TAFA5: variants seen among roughly 807,000 people sequenced by gnomAD.
The protein encoded by TAFA5 is TAFA chemokine like family member 5.
TAFA5 carries 6 observed loss-of-function variants against 15.3 expected under a neutral mutation model. That is an observed-to-expected ratio of 0.39 (90% CI 0.21 to 0.77). TAFA5 has a LOEUF of 0.77. TAFA5 is among the 30% of genes least tolerant of loss of function. The probability of loss-of-function intolerance (pLI) is 0.41; values close to 1 mark genes in which losing one functional copy is unlikely to be tolerated. For synonymous variants in TAFA5, 103 were observed against 80.7 expected, an observed-to-expected ratio of 1.28 and a Z score of -1.48; for missense variants, 161 against 193.1, an observed-to-expected ratio of 0.83 and a Z score of 0.98.
intron 1 of TAFA5, among the ~76,000 whole-genome samples, chr22:48,555,527 G>A (rs1236253117): frequency 6.6e-6 from 1 of 152,176 alleles, no homozygotes; most frequent in Admixed American, 6.5e-5. Flanking sequence ...TCAGAAGTGC[G>A]GATCTTTATG....
Position 48,490,370 on chromosome 22 carries a change from G to A in TAFA5, c.112+666G>A, listed in dbSNP as rs909607057. On this transcript the variant is annotated intron_variant, in intron 1 of 3. Coordinates refer to ENST00000402357, the MANE Select transcript of TAFA5 (RefSeq NM_001082967.3). This position sits in a 1 kb window ranked among gnomAD's most constrained non-coding sequence, Gnocchi z 5.8. Reference sequence around the variant, plus strand: ...GGGACTGGCGCGGGCGCGGGCTGGGGTGGTGCGGGCCAGTGGGCGCCCGGG... The same window carrying A: ...GGGACTGGCGCGGGCGCGGGCTGGGATGGTGCGGGCCAGTGGGCGCCCGGG... Among the ~76,000 whole-genome samples, 5 of 151,500 alleles carry A rather than the reference G, an allele frequency of 3.3e-5. No individual in the cohort carries two copies. Among genetic ancestry groups the A allele is most frequent in the African/African-American group, 9.7e-5 (4 of 41,246 alleles).
At chr22:48,703,921 T>G (rs1319351715) in intron 2 of TAFA5, among the ~76,000 whole-genome samples, 1 of 152,228 alleles carries the variant, frequency 6.6e-6, no homozygotes, top group Non-Finnish European at 1.5e-5. Context: ...AACATCTCCC[T>G]GTTGCAGTTG....
chr22:48,598,257 C>G lies in TAFA5; in HGVS notation c.113-48340C>G, dbSNP rs1331489484. 6.6e-6 allele frequency among the ~76,000 whole-genome samples: 1 copy of G among 152,152 alleles called. No individual in the cohort carries two copies. Among genetic ancestry groups the G allele is most frequent in the African/African-American group, 2.4e-5 (1 of 41,438 alleles). ...AGTATGGAAGGCCATCTGCTTTATT[C>G]AAAATCACCGATTCAGGCGTTACTC... On this transcript the variant is annotated intron_variant, in intron 1 of 3. Coordinates refer to ENST00000402357, the MANE Select transcript of TAFA5 (RefSeq NM_001082967.3). This position sits in a 1 kb window ranked among gnomAD's most constrained non-coding sequence, Gnocchi z 4.0.
rs187410497 is a variant in TAFA5, at chr22:48,552,046, A to G, written c.112+62342A>G. On this transcript the variant is annotated intron_variant, in intron 1 of 3. Coordinates refer to ENST00000402357, the MANE Select transcript of TAFA5 (RefSeq NM_001082967.3). The surrounding 1 kb of genome is among the most constrained non-coding windows in gnomAD (Gnocchi z 4.1). ...GTTCAGCTCTGACTGTCCTCCCGGC[A>G]GGAAGCGTCCTCCAGTGCTCCCTCT... Among the ~76,000 whole-genome samples the G allele has an allele frequency of 3.6e-3, 543 of 152,324 alleles. 2 individuals are homozygous for G. The highest frequency in any genetic ancestry group is 0.012 in the African/African-American group (512 of 41,580).
chr22:48,681,583 G>T (rs1432566971), intron 2 of TAFA5, among the ~76,000 whole-genome samples: 1 of 150,854 alleles, frequency 6.6e-6, no homozygotes, highest in South Asian at 2.1e-4. Context: ...CCTGGGAGGT[G>T]GAGGTTGCAG....
intron 1 of TAFA5, among the ~76,000 whole-genome samples, chr22:48,529,933 G>C (rs370360689): frequency 6.6e-6 from 1 of 152,060 alleles, no homozygotes; most frequent in Admixed American, 6.5e-5. Flanking sequence ...GGGCATCTGG[G>C]ACAACCCTTC....
chr22:48,715,319 A>G (rs1929370045), intron 3 of TAFA5, among the ~76,000 whole-genome samples: 1 of 152,242 alleles, frequency 6.6e-6, no homozygotes, highest in Non-Finnish European at 1.5e-5. Flanking sequence ...AGAAGAAGCC[A>G]AAGGAAGAGG....
intron 2 of TAFA5, among the ~76,000 whole-genome samples, chr22:48,670,811 G>C (rs1601659159): frequency 6.6e-6 from 1 of 152,232 alleles, no homozygotes; most frequent in African/African-American, 2.4e-5. Flanking sequence ...AGACCATCAG[G>C]AGCCGTGGCT....
At chr22:48,615,494 G>C (rs1192900900) in intron 1 of TAFA5, among the ~76,000 whole-genome samples, 1 of 152,104 alleles carries the variant, frequency 6.6e-6, no homozygotes, top group Admixed American at 6.5e-5. Context: ...TCGCCTTCCT[G>C]GGGGGCTCCC....
intron 1 of TAFA5, among the ~76,000 whole-genome samples, chr22:48,516,146 T>G (rs1921397908): frequency 6.6e-6 from 1 of 152,090 alleles, no homozygotes; most frequent in Non-Finnish European, 1.5e-5. Flanking sequence ...CCATTAACTT[T>G]ATGACGCGCT....
intron 2 of TAFA5, among the ~76,000 whole-genome samples, chr22:48,657,619 G>C (rs138069356): frequency 4.4e-4 from 67 of 152,272 alleles, no homozygotes; most frequent in African/African-American, 1.4e-3. Flanking sequence ...TTTGGGTTTC[G>C]TGCATTCCCA....
rs192085927 is a variant in TAFA5, at chr22:48,694,453, G to A, written c.263-13264G>A. On this transcript the variant is annotated intron_variant, in intron 2 of 3. Transcript: ENST00000402357. ...AGTGGGGCCCTTCCGGAGTGCAGGA[G>A]GCTCTTCTGGAGGTGTGGGACAGAG... is the stretch of plus-strand genomic sequence containing the variant. Among the ~76,000 whole-genome samples the A allele has an allele frequency of 1.3e-3, 205 of 152,286 alleles. 6 individuals are homozygous for A. The highest frequency in any genetic ancestry group is 0.013 in the Admixed American group (205 of 15,304).
At position 48,742,662 on chromosome 22, in the gene TAFA5, C is replaced by T. The variant is rs529217604; in HGVS notation, c.391-7177C>T. Among the ~76,000 whole-genome samples, 1 of 152,130 alleles carries T rather than the reference C, an allele frequency of 6.6e-6. No individual in the cohort carries two copies. Among genetic ancestry groups the T allele is most frequent in the Non-Finnish European group, 1.5e-5 (1 of 68,026 alleles). ...AGACCGGGCCGCATGGTGGACCAGG[C>T]AACGTGGTAGACCGGGCAGTGTGAT... On this transcript the variant is annotated intron_variant, in intron 3 of 3. Coordinates refer to ENST00000402357, the MANE Select transcript of TAFA5 (RefSeq NM_001082967.3). The surrounding 1 kb of genome is among the most constrained non-coding windows in gnomAD (Gnocchi z 6.2).
chr22:48,517,832 C>G (rs962169024), intron 1 of TAFA5, among the ~76,000 whole-genome samples: 5 of 152,224 alleles, frequency 3.3e-5, no homozygotes, highest in African/African-American at 1.2e-4. Context: ...GCTCCTCCCC[C>G]GCCCTCTCTG....
At chr22:48,715,246 G>C (rs1929367907) in intron 3 of TAFA5, among the ~76,000 whole-genome samples, 1 of 152,236 alleles carries the variant, frequency 6.6e-6, no homozygotes, top group Non-Finnish European at 1.5e-5. Context: ...CCAGCCGGCT[G>C]TTCAGTGCTG....
rs543216550 is a variant in TAFA5, at chr22:48,492,563, C to T, written c.112+2859C>T. ...TATAGAAGGAGATGGGCTCCACCGT[C>T]TGGCCGGAGAAAGACCTGCAGTCCA... On this transcript the variant is annotated intron_variant, in intron 1 of 3. Transcript: ENST00000402357. Among the ~76,000 whole-genome samples the T allele has an allele frequency of 2.0e-5, 3 of 152,348 alleles. No homozygotes were observed. In the East Asian group the frequency reaches 5.8e-4, roughly 29 times the overall value.
At chr22:48,510,762 G>C (rs1234001826) in intron 1 of TAFA5, among the ~76,000 whole-genome samples, 1 of 152,224 alleles carries the variant, frequency 6.6e-6, no homozygotes, top group Non-Finnish European at 1.5e-5. Flanking sequence ...ACAACATCAA[G>C]GAAGAGGTGG....
intron 1 of TAFA5, among the ~76,000 whole-genome samples, chr22:48,555,793 G>T (rs894731104): frequency 3.9e-5 from 6 of 152,198 alleles, no homozygotes; most frequent in African/African-American, 1.2e-4. Flanking sequence ...CAAGATACGG[G>T]GGTGGGGATG....
intron 1 of TAFA5, among the ~76,000 whole-genome samples, chr22:48,572,267 C>T (rs1051524848): frequency 1.2e-4 from 19 of 152,286 alleles, no homozygotes; most frequent in East Asian, 9.7e-4. Flanking sequence ...GTGTAGTGAC[C>T]GGTCAGTGTG....
Sources: gnomAD v4.1 joint callset for allele counts (sites outside exome capture counted in the v4.1 genomes callset) on GRCh38, gnomAD v4.1.1 for gene constraint, Gnocchi (gnomAD v3.1) non-coding constraint, MANE v1.5 for transcripts, NCBI Gene and HGNC (gene_info 2026-07-23, HGNC 2026-07-21) for gene names.